The following DPP8 variants were observed in gnomAD, a reference collection of about 807,000 sequenced individuals.
DPP8 encodes dipeptidyl peptidase 8.
DPP8 carries 31 observed loss-of-function variants against 107.5 expected under a neutral mutation model. That is an observed-to-expected ratio of 0.29 (90% CI 0.22 to 0.39). DPP8 has a LOEUF of 0.39. DPP8 is among the 10% of genes least tolerant of loss of function. DPP8 has a pLI of 1.00. For missense variants in DPP8, 842 were observed against 1,076.1 expected (o/e 0.78, Z 3.04); for synonymous variants, 381 against 356.6 (o/e 1.07, Z -0.77).
At chr15:65,504,305 G>A (rs2069649716) in intron 3 of DPP8, among the ~76,000 whole-genome samples, 1 of 150,326 alleles carries the variant, frequency 6.7e-6, no homozygotes, top group African/African-American at 2.5e-5. Context: ...AGAGGTTGCG[G>A]TGAGCTGAGA....
rs767511965 is a variant in DPP8, at chr15:65,507,295, T to C, written c.320A>G (p.Asn107Ser). 5 of 1,612,962 alleles carry C rather than the reference T, an allele frequency of 3.1e-6. No individual in the cohort carries two copies. The highest frequency in any genetic ancestry group is 1.3e-5 in the African/African-American group (1 of 74,888). The stretch of plus-strand genomic sequence containing the variant: ...AGAGAGCATTAAGACTGCTGCTCTA[T>C]TGATAGTTTTGGGAATTTCAGAATA... The part of the protein sequence containing the change: ...LFYSEIPKTI[N>S]RAAVLMLSWK... Residue 107 changes from asparagine (N) to serine (S), a missense_variant, in exon 3 of 20, where the codon AAT becomes AGT. This residue lies in a region of DPP8 where 663 missense variants were observed against 758.0 expected (regional missense o/e 0.87). Coordinates refer to ENST00000300141, the MANE Select transcript of DPP8 (RefSeq NM_130434.5).
intron 11 of DPP8, among the ~76,000 whole-genome samples, chr15:65,476,931 A>G (rs574582860): frequency 2.0e-5 from 3 of 152,340 alleles, no homozygotes; most frequent in Non-Finnish European, 1.5e-5. Context: ...CTACGTAAAC[A>G]AGCCAGTCAA....
At chr15:65,505,000 T>C (rs1440819935) in intron 3 of DPP8, among the ~76,000 whole-genome samples, 2 of 152,134 alleles carry the variant, frequency 1.3e-5, no homozygotes, top group East Asian at 3.9e-4. Flanking sequence ...AAAGAATTTG[T>C]ATACTTTAGA....
chr15:65,449,484 A>G (rs966409033), intron 19 of DPP8, among the ~76,000 whole-genome samples: 14 of 151,662 alleles, frequency 9.2e-5, no homozygotes, highest in Non-Finnish European at 1.8e-4. Context: ...ATCTCGGCTC[A>G]CTGCAACCTC....
chr15:65,445,968 TCTC>T lies in DPP8; in HGVS notation c.*913_*915del, dbSNP rs1244737773. The stretch of plus-strand genomic sequence containing the variant: ...CCCACCCCACTGTGATTCCCTTCAA[TCTC>T]CTTAAAATTCTAGAATATTTTAATA... On this transcript the variant is annotated 3_prime_UTR_variant, in exon 20 of 20. Transcript: ENST00000300141. The T allele has an allele frequency of 6.6e-6, 1 of 151,826 alleles. No individual in the cohort carries two copies. Among genetic ancestry groups the T allele is most frequent in the Non-Finnish European group, 1.5e-5 (1 of 67,986 alleles). 9.4% of individuals were successfully genotyped at this position (151,826 alleles called of 1,614,324 possible). A position where few individuals can be genotyped will look rare whatever the true frequency, so the allele number is the denominator to read the frequency against.
At chr15:65,462,403 A>C (rs1429118978) in intron 15 of DPP8, among the ~76,000 whole-genome samples, 3 of 152,226 alleles carry the variant, frequency 2.0e-5, no homozygotes, top group African/African-American at 4.8e-5. Context: ...ACAATTTGGT[A>C]TGTAGATACA....
At chr15:65,506,212 C>A (rs1050938716) in intron 3 of DPP8, among the ~76,000 whole-genome samples, 27 of 151,792 alleles carry the variant, frequency 1.8e-4, no homozygotes, top group Admixed American at 3.3e-4. Flanking sequence ...GCCTGTAATC[C>A]CAGCTACTTG....
intron 19 of DPP8, chr15:65,450,734 C>T (rs1595845110): frequency 7.0e-6 from 2 of 287,636 alleles, no homozygotes; most frequent in East Asian, 7.1e-5. Context: ...GAATGGACTT[C>T]CTGTCATCTT....
chr15:65,507,124 TA>T, intron 3 of DPP8, 118 bp downstream of exon 3: 1 of 532,558 alleles, frequency 1.9e-6, no homozygotes, highest in Non-Finnish European at 3.2e-6. Context: ...TGCAAAAACA[TA>T]AAAACATCTT....
At chr15:65,486,731 G>C (rs1250804077) in intron 7 of DPP8, among the ~76,000 whole-genome samples, 1 of 152,158 alleles carries the variant, frequency 6.6e-6, no homozygotes, top group Non-Finnish European at 1.5e-5. Context: ...AGTAACTCAA[G>C]AATGGAAAAC....
chr15:65,465,383 C>T (rs59816444), intron 14 of DPP8, among the ~76,000 whole-genome samples: 1 of 151,458 alleles, frequency 6.6e-6, no homozygotes, highest in Non-Finnish European at 1.5e-5. Flanking sequence ...GGCCAGGCTG[C>T]TCTTGAACTC....
At chr15:65,451,809 C>T (rs2063997510) in intron 18 of DPP8, 151 bp downstream of exon 18, 1 of 722,134 alleles carries the variant, frequency 1.4e-6, no homozygotes, top group East Asian at 2.9e-5. Flanking sequence ...GCCTGTAAAC[C>T]CAGCTACTCG....
intron 3 of DPP8, among the ~76,000 whole-genome samples, chr15:65,505,949 C>CAA (rs369806063): frequency 0.052 from 6,711 of 128,352 alleles, 259 homozygotes; most frequent in Non-Finnish European, 0.07. Flanking sequence ...GACTGTGTCT[C>CAA]AAAAAAAAAA....
rs987711357 is a variant in DPP8, at chr15:65,456,060, G to A, written c.2118+165C>T. 3.3e-5 allele frequency among the ~76,000 whole-genome samples: 5 copies of A among 152,006 alleles called. No individual in the cohort carries two copies. The East Asian group carries it at 5.8e-4, about 18-fold the overall frequency. The stretch of plus-strand genomic sequence containing the variant: ...CCCCAAAGTTACGTATAAGTAGGGT[G>A]TACATCAAGTTGCATCTTCTCTCCC... On this transcript the variant is annotated intron_variant, in intron 16 of 19. Coordinates refer to ENST00000300141, the MANE Select transcript of DPP8 (RefSeq NM_130434.5).
intron 2 of DPP8, among the ~76,000 whole-genome samples, chr15:65,509,167 G>A (rs976348928): frequency 5.9e-5 from 9 of 152,104 alleles, no homozygotes; most frequent in East Asian, 5.8e-4. Context: ...TCAATTTTGT[G>A]TAAAATCTAC....
chr15:65,481,838 T>C (rs567559392), intron 8 of DPP8, among the ~76,000 whole-genome samples: 1 of 152,242 alleles, frequency 6.6e-6, no homozygotes, highest in East Asian at 1.9e-4. Flanking sequence ...TAACACAGCC[T>C]AAAAATCTAT....
intron 12 of DPP8, among the ~76,000 whole-genome samples, chr15:65,471,291 T>C (rs1015817117): frequency 6.6e-6 from 1 of 152,142 alleles, no homozygotes; most frequent in African/African-American, 2.4e-5. Flanking sequence ...AGAAGGCCAC[T>C]TGAGGATCTC....
In DPP8 at chr15:65,457,042, A is replaced by G. The variant is rs570747732; in HGVS notation, c.1972-671T>C. 5.9e-5 allele frequency among the ~76,000 whole-genome samples: 9 copies of G among 152,298 alleles called. No homozygotes were observed. The South Asian group carries it at 1.9e-3, about 32-fold the overall frequency. On this transcript the variant is annotated intron_variant, in intron 15 of 19. Coordinates refer to ENST00000300141, the MANE Select transcript of DPP8 (RefSeq NM_130434.5). Reference sequence around the variant, plus strand: ...ATCCCCTTTCCCAGCAAATCTTCATAGAACTTCCATTATAAAAAGTCATAC... The same window carrying G: ...ATCCCCTTTCCCAGCAAATCTTCATGGAACTTCCATTATAAAAAGTCATAC...
At chr15:65,450,237 G>C (rs2063876767) in intron 19 of DPP8, among the ~76,000 whole-genome samples, 1 of 151,962 alleles carries the variant, frequency 6.6e-6, no homozygotes, top group African/African-American at 2.4e-5. Flanking sequence ...TAAAGTGCTG[G>C]GATTACAGGT....
Sources: gnomAD v4.1 joint callset for allele counts (sites outside exome capture counted in the v4.1 genomes callset) on GRCh38, gnomAD v4.1.1 for gene constraint, gnomAD v4.1.1 regional missense constraint, MANE v1.5 for transcripts, NCBI Gene and HGNC (gene_info 2026-07-23, HGNC 2026-07-21) for gene names.